The following DMD variants were observed in gnomAD, a reference collection of about 807,000 sequenced individuals.
DMD encodes mutant dystrophin.
A neutral mutation model predicts 330.1 loss-of-function variants in DMD; 63 were observed. The observed-to-expected ratio is 0.19, with a 90% CI of 0.16 to 0.24. The LOEUF (loss-of-function observed/expected upper bound fraction) is 0.24. Among genes scored for constraint, DMD ranks in the 10% least tolerant of loss-of-function variants. DMD has a pLI of 1.00. For synonymous variants in DMD, 1,223 were observed against 959.8 expected (o/e 1.27, Z -5.07); for missense variants, 3,344 against 2,684.1 (o/e 1.25, Z -5.43).
At position 32,244,061 on chromosome X, in the gene DMD, C is replaced by T. The variant is rs1359313443; in HGVS notation, c.6291-26998G>A. Among the ~76,000 whole-genome samples, 6 of 98,788 alleles carry T rather than the reference C, an allele frequency of 6.1e-5. No individual in the cohort carries two copies. The East Asian group carries it at 1.4e-3, about 23-fold the overall frequency. 85.8% of individuals were successfully genotyped at this position (98,788 alleles called of 115,157 possible). ...TGCTGGTGCGCTGCACCCACTAACTCGTCATCTAGCATTAGGTATATCTCC... is the reference window on the plus strand; with the variant it reads ...TGCTGGTGCGCTGCACCCACTAACTTGTCATCTAGCATTAGGTATATCTCC... On this transcript the variant is annotated intron_variant, in intron 43 of 78. Transcript: ENST00000357033.
rs141199548 is a variant in DMD at position 31,754,586 on chromosome X, T to C, written c.7542+19374A>G. ...CATAGTATCAACAAAACGAATGTAT[T>C]ACCCCCAAATTACAGACTATTAAAT... is the stretch of plus-strand genomic sequence containing the variant. On this transcript the variant is annotated intron_variant, in intron 51 of 78. Transcript: ENST00000357033. Among the ~76,000 whole-genome samples, 1,099 of 111,152 alleles carry C rather than the reference T, an allele frequency of 9.9e-3. 16 individuals are homozygous for C. The highest frequency in any genetic ancestry group is 0.028 in the African/African-American group (874 of 30,677).
At chrX:33,183,516 G>T (rs1158178798) in intron 1 of DMD, among the ~76,000 whole-genome samples, 1 of 111,512 alleles carries the variant, frequency 9.0e-6, no homozygotes, top group Non-Finnish European at 1.9e-5. Flanking sequence ...TTTTAGGTTT[G>T]GGGTAGGCAA....
At chrX:31,222,125 G>A (rs890556407) in intron 64 of DMD, among the ~76,000 whole-genome samples, 17 of 110,850 alleles carry the variant, frequency 1.5e-4, no homozygotes, top group African/African-American at 5.6e-4. Context: ...GAACCCGGGA[G>A]GTGGAGTCTG....
At chrX:32,872,758 A>G (rs909177418) in intron 2 of DMD, among the ~76,000 whole-genome samples, 4 of 111,773 alleles carry the variant, frequency 3.6e-5, no homozygotes, top group African/African-American at 1.3e-4. Context: ...AAAGAAGGAT[A>G]AGGGGTAAGC....
At chrX:31,962,002 G>A (rs1420926965) in intron 45 of DMD, among the ~76,000 whole-genome samples, 3 of 110,593 alleles carry the variant, frequency 2.7e-5, no homozygotes, top group South Asian at 3.8e-4. Context: ...ACAAAACTGG[G>A]ATAAATAATG....
intron 34 of DMD, among the ~76,000 whole-genome samples, chrX:32,370,691 A>G (rs986680286): frequency 9.0e-6 from 1 of 110,984 alleles, no homozygotes; most frequent in African/African-American, 3.3e-5. Context: ...TCACTTTAAA[A>G]AAAAAAGATA....
At chrX:32,731,413 A>G (rs753288368) in intron 7 of DMD, among the ~76,000 whole-genome samples, 1,885 of 112,426 alleles carry the variant, frequency 0.017, 45 homozygotes, top group African/African-American at 0.057. Context: ...GCCCACCACA[A>G]CTCAAGGAGG....
intron 44 of DMD, among the ~76,000 whole-genome samples, chrX:32,191,222 T>C (rs1315300289): frequency 8.9e-6 from 1 of 111,763 alleles, no homozygotes; most frequent in African/African-American, 3.3e-5. Flanking sequence ...GTGTACCTCT[T>C]GGAATTATTC....
At chrX:32,433,363 T>G (rs1417668470) in intron 29 of DMD, among the ~76,000 whole-genome samples, 1 of 111,679 alleles carries the variant, frequency 9.0e-6, no homozygotes, top group Admixed American at 9.5e-5. Context: ...CCTTTCAATT[T>G]CTGTAGAATG....
chrX:32,693,966 C>T (rs1484186760), intron 9 of DMD, among the ~76,000 whole-genome samples: 1 of 111,914 alleles, frequency 8.9e-6, no homozygotes, highest in African/African-American at 3.3e-5. Context: ...ACTGTAGTAA[C>T]TGCTATATAT....
intron 4 of DMD, among the ~76,000 whole-genome samples, chrX:32,837,417 T>C (rs1038023490): frequency 9.9e-5 from 11 of 111,503 alleles, no homozygotes; most frequent in Non-Finnish European, 7.5e-5. Flanking sequence ...ACTAACAGCA[T>C]TCTTTAGATA....
chrX:32,576,924 T>C (rs1394815271), intron 13 of DMD, among the ~76,000 whole-genome samples: 1 of 111,816 alleles, frequency 8.9e-6, no homozygotes, highest in Non-Finnish European at 1.9e-5. Context: ...TCATTGATCA[T>C]GAATTTATTA....
At chrX:32,357,547 A>G (rs889893530) in intron 37 of DMD, among the ~76,000 whole-genome samples, 1 of 109,994 alleles carries the variant, frequency 9.1e-6, no homozygotes, top group Non-Finnish European at 1.9e-5. Flanking sequence ...TTTTGAGGTC[A>G]TCAGTGTATC....
chrX:32,685,237 T>C, intron 9 of DMD, among the ~76,000 whole-genome samples: 1 of 111,266 alleles, frequency 9.0e-6, no homozygotes, highest in Non-Finnish European at 1.9e-5. Flanking sequence ...AATTATAAAG[T>C]AGAAGTAGAA....
At chrX:32,334,595 T>A (rs2097696251) in intron 41 of DMD, among the ~76,000 whole-genome samples, 1 of 111,710 alleles carries the variant, frequency 9.0e-6, no homozygotes, top group Admixed American at 9.6e-5. Flanking sequence ...TTATTACTTT[T>A]CTTGTACATC....
At chrX:32,929,770 T>A (rs957994917) in intron 2 of DMD, among the ~76,000 whole-genome samples, 7 of 110,711 alleles carry the variant, frequency 6.3e-5, no homozygotes, top group Non-Finnish European at 1.3e-4. Flanking sequence ...TGTCCATGTG[T>A]TCTTGTTGTT....
At chrX:33,331,903 C>T (rs754428596) in intron 1 of DMD, among the ~76,000 whole-genome samples, 5 of 111,513 alleles carry the variant, frequency 4.5e-5, no homozygotes, top group Non-Finnish European at 9.4e-5. Context: ...TAATTTAAGT[C>T]ATCTTTTCAA....
intron 44 of DMD, among the ~76,000 whole-genome samples, chrX:32,144,964 G>A (rs937092782): frequency 1.8e-5 from 2 of 111,558 alleles, no homozygotes; most frequent in African/African-American, 6.5e-5. Context: ...AACCTGGGTG[G>A]TAGAGGTTGT....
intron 44 of DMD, among the ~76,000 whole-genome samples, chrX:32,020,783 G>A (rs2095801054): frequency 8.9e-6 from 1 of 112,472 alleles, no homozygotes; most frequent in Non-Finnish European, 1.9e-5. Context: ...ACAAACAAAA[G>A]TAATGCCAAT....
Sources: gnomAD v4.1 joint callset for allele counts (sites outside exome capture counted in the v4.1 genomes callset) on GRCh38, gnomAD v4.1.1 for gene constraint, MANE v1.5 for transcripts, NCBI Gene and HGNC (gene_info 2026-07-23, HGNC 2026-07-21) for gene names.